The following CDH4 variants were observed in gnomAD, a reference collection of about 807,000 sequenced individuals.
CDH4 encodes cadherin-4.
In CDH4, 33 loss-of-function variants were observed where a neutral mutation model predicts 86.0. The observed-to-expected ratio is 0.38, with a 90% CI of 0.29 to 0.51. The LOEUF is 0.51. Among genes scored for constraint, CDH4 ranks in the 20% least tolerant of loss-of-function variants. The pLI is 0.86. For synonymous variants in CDH4, 555 were observed against 549.4 expected, an observed-to-expected ratio of 1.01 and a Z score of -0.14; for missense variants, 1,114 against 1,307.4, an observed-to-expected ratio of 0.85 and a Z score of 2.28.
intron 2 of CDH4, among the ~76,000 whole-genome samples, chr20:61,562,708 C>G (rs2086229782): frequency 6.6e-6 from 1 of 152,230 alleles, no homozygotes; most frequent in African/African-American, 2.4e-5. Flanking sequence ...GCTGCTCCCA[C>G]CTTGCCATGG....
intron 6 of CDH4, among the ~76,000 whole-genome samples, chr20:61,870,502 T>A (rs909048101): frequency 3.3e-5 from 5 of 152,122 alleles, no homozygotes; most frequent in Non-Finnish European, 7.4e-5. Flanking sequence ...GGTCAGGGCT[T>A]TGCTTCTCTC....
chr20:61,808,538 C>G (rs567832915), intron 4 of CDH4, among the ~76,000 whole-genome samples: 1 of 152,102 alleles, frequency 6.6e-6, no homozygotes, highest in Non-Finnish European at 1.5e-5. Context: ...CTGGCTCAGC[C>G]CCTCCCAGAT....
At chr20:61,579,285 A>AT (rs11483950) in intron 2 of CDH4, among the ~76,000 whole-genome samples, 64,866 of 129,476 alleles carry the variant, frequency 0.5, 19,078 homozygotes, top group East Asian at 0.64. Flanking sequence ...CTCGATGGAG[A>AT]TTTTTTTTTT....
intron 2 of CDH4, among the ~76,000 whole-genome samples, chr20:61,596,945 T>C (rs1283653861): frequency 6.6e-6 from 1 of 152,224 alleles, no homozygotes; most frequent in Admixed American, 6.5e-5. Flanking sequence ...AATAATCATA[T>C]TGGCATGTAG....
rs2084175254 is a variant in CDH4 at position 61,269,915 on chromosome 20, C to T, written c.169+14978C>T. ...GCTGTTGACGATGACCTTAAGCTCC[C>T]CTGACCAATCTCCTCCAGAATCTGG... On this transcript the variant is annotated intron_variant, in intron 2 of 15. Coordinates refer to ENST00000614565, the MANE Select transcript of CDH4 (RefSeq NM_001794.5). The surrounding 1 kb of genome is among the most constrained non-coding windows in gnomAD (Gnocchi z 5.3). Among the ~76,000 whole-genome samples the T allele has an allele frequency of 6.6e-6, 1 of 152,202 alleles. No individual in the cohort carries two copies. The highest frequency in any genetic ancestry group is 2.4e-5 in the African/African-American group (1 of 41,444).
chr20:61,331,486 C>T lies in CDH4; in HGVS notation c.169+76549C>T, dbSNP rs1411599335. 2.0e-5 allele frequency among the ~76,000 whole-genome samples: 3 copies of T among 152,036 alleles called. No homozygotes were observed. In the South Asian group the frequency reaches 6.2e-4, roughly 32 times the overall value. ...CACACTGTCCTTTCTGTTCCTCACACTTGTCCAGCATGTCCCCCACCAGAG... is the reference window on the plus strand; with the variant it reads ...CACACTGTCCTTTCTGTTCCTCACATTTGTCCAGCATGTCCCCCACCAGAG... On this transcript the variant is annotated intron_variant, in intron 2 of 15. Coordinates refer to ENST00000614565, the MANE Select transcript of CDH4 (RefSeq NM_001794.5).
intron 2 of CDH4, among the ~76,000 whole-genome samples, chr20:61,589,350 A>C (rs751557291): frequency 1.1e-4 from 16 of 152,238 alleles, no homozygotes; most frequent in Admixed American, 2.0e-4. Flanking sequence ...GACAGAAATT[A>C]ATCAGGAGTG....
At chr20:61,718,579 A>C in intron 2 of CDH4, 1 of 345,056 alleles carries the variant, frequency 2.9e-6, no homozygotes, top group Non-Finnish European at 5.7e-6. Context: ...CCACCTGCAC[A>C]GGCTCACAGG....
At chr20:61,276,648 G>T (rs372507174) in intron 2 of CDH4, among the ~76,000 whole-genome samples, 38 of 152,278 alleles carry the variant, frequency 2.5e-4, no homozygotes, top group African/African-American at 9.1e-4. Context: ...CTTCTCTTGT[G>T]GCCAAGTCAG....
chr20:61,881,068 C>A (rs763519498), intron 7 of CDH4, among the ~76,000 whole-genome samples: 1 of 152,222 alleles, frequency 6.6e-6, no homozygotes, highest in Non-Finnish European at 1.5e-5. Context: ...GGTGAGGAAG[C>A]TGAGTGCCCC....
chr20:61,831,060 C>A (rs2146081470), intron 4 of CDH4, among the ~76,000 whole-genome samples: 1 of 152,304 alleles, frequency 6.6e-6, no homozygotes, highest in South Asian at 2.1e-4. Context: ...GAGGCACTGG[C>A]TACCCTCAAC....
At chr20:61,824,098 G>A (rs1352216610) in intron 4 of CDH4, among the ~76,000 whole-genome samples, 1 of 152,134 alleles carries the variant, frequency 6.6e-6, no homozygotes, top group East Asian at 1.9e-4. Flanking sequence ...AGGCTCCCTG[G>A]AAAACCTCCT....
intron 2 of CDH4, among the ~76,000 whole-genome samples, chr20:61,311,810 C>G (rs2084446951): frequency 6.6e-6 from 1 of 152,234 alleles, no homozygotes; most frequent in Non-Finnish European, 1.5e-5. Flanking sequence ...CCTGAAAAAA[C>G]AAAACATCTG....
chr20:61,872,097 G>A (rs1034931950), intron 6 of CDH4, among the ~76,000 whole-genome samples: 2 of 152,142 alleles, frequency 1.3e-5, no homozygotes, highest in African/African-American at 2.4e-5. Flanking sequence ...CAGTAGCTTC[G>A]GGCTCCTCGC....
At chr20:61,596,617 G>A (rs181802339) in intron 2 of CDH4, among the ~76,000 whole-genome samples, 18 of 152,152 alleles carry the variant, frequency 1.2e-4, no homozygotes, top group Non-Finnish European at 1.0e-4. Context: ...GTTTACTGAC[G>A]GGTTGTACCA....
chr20:61,844,412 C>G (rs1289923608), intron 4 of CDH4, among the ~76,000 whole-genome samples: 1 of 151,976 alleles, frequency 6.6e-6, no homozygotes, highest in Non-Finnish European at 1.5e-5. Context: ...GGATGTCTGC[C>G]AGGCATCCCG....
intron 2 of CDH4, among the ~76,000 whole-genome samples, chr20:61,346,272 G>A: frequency 6.8e-6 from 1 of 148,120 alleles, no homozygotes; most frequent in East Asian, 2.2e-4. Flanking sequence ...GGAACCACAA[G>A]ACGGCCCCAG....
rs555320120 is a variant in CDH4 at position 61,863,462 on chromosome 20, C to T, written c.878-10266C>T. On this transcript the variant is annotated intron_variant, in intron 6 of 15. Coordinates refer to ENST00000614565, the MANE Select transcript of CDH4 (RefSeq NM_001794.5). ...AACTCACCTGGGCACCCCAGGTTAG[C>T]GCAGATGCCACTGGGTGACCGTTCC... is the stretch of plus-strand genomic sequence containing the variant. 1.2e-3 allele frequency among the ~76,000 whole-genome samples: 188 copies of T among 152,328 alleles called. 1 individual carries two copies. The highest frequency in any genetic ancestry group is 4.2e-3 in the African/African-American group (173 of 41,572).
At chr20:61,806,673 C>T (rs962679068) in intron 4 of CDH4, among the ~76,000 whole-genome samples, 1 of 152,190 alleles carries the variant, frequency 6.6e-6, no homozygotes, top group African/African-American at 2.4e-5. Flanking sequence ...AGCTGCCTCA[C>T]CTTTCCCTTG....
Sources: allele counts gnomAD v4.1 joint callset (sites outside exome capture counted in the v4.1 genomes callset), GRCh38; gene constraint gnomAD v4.1.1; non-coding constraint Gnocchi (gnomAD v3.1); transcripts MANE v1.5; gene names NCBI Gene and HGNC (gene_info 2026-07-23, HGNC 2026-07-21).